RBFOX1: variants seen among roughly 807,000 people sequenced by gnomAD.
RBFOX1 encodes the protein RNA binding protein fox-1 homolog 1.
Under a neutral mutation model 57.7 loss-of-function variants are expected in RBFOX1, and 8 were observed. The ratio of observed to expected loss-of-function variants is 0.14; its 90% CI spans 0.08 to 0.25. The LOEUF (loss-of-function observed/expected upper bound fraction) is 0.25. RBFOX1 is among the 10% of genes least tolerant of loss of function. The pLI is 1.00. For missense variants in RBFOX1, 611 were observed against 548.5 expected (o/e 1.11, Z -1.14); for synonymous variants, 326 against 222.4 (o/e 1.47, Z -4.15).
chr16:7,578,628 T>C (rs1357990122), intron 5 of RBFOX1, among the ~76,000 whole-genome samples: 1 of 152,230 alleles, frequency 6.6e-6, no homozygotes, highest in Admixed American at 6.5e-5. Context: ...GTCCCAATTA[T>C]GTACTTCTAG....
chr16:7,555,758 T>C (rs2088197998), intron 5 of RBFOX1, among the ~76,000 whole-genome samples: 1 of 152,176 alleles, frequency 6.6e-6, no homozygotes, highest in Admixed American at 6.5e-5. Flanking sequence ...CACTCTTCTT[T>C]GTCAAATTGT....
intron 3 of RBFOX1, among the ~76,000 whole-genome samples, chr16:6,967,534 A>G (rs1003078985): frequency 1.3e-5 from 2 of 152,130 alleles, no homozygotes; most frequent in Non-Finnish European, 2.9e-5. Context: ...CATTTGCTGA[A>G]TAGACTGACT....
chr16:7,195,326 C>T (rs1272761275), intron 4 of RBFOX1, among the ~76,000 whole-genome samples: 1 of 152,110 alleles, frequency 6.6e-6, no homozygotes, highest in African/African-American at 2.4e-5. Flanking sequence ...GTCTTGGTTG[C>T]AGTGTCTTTT....
At chr16:5,665,585 C>T (rs867319471) in intron 3 of RBFOX1, among the ~76,000 whole-genome samples, 1 of 152,200 alleles carries the variant, frequency 6.6e-6, no homozygotes, top group African/African-American at 2.4e-5. Context: ...ACCTTTGGGT[C>T]ACCAGTCACC....
intron 4 of RBFOX1, among the ~76,000 whole-genome samples, chr16:7,229,727 A>G (rs2093372418): frequency 5.4e-5 from 6 of 111,476 alleles, no homozygotes; most frequent in East Asian, 3.2e-4. Flanking sequence ...AGAGGAAGCA[A>G]GGGAGGGAGG....
intron 1 of RBFOX1, among the ~76,000 whole-genome samples, chr16:5,456,062 A>G (rs2068621317): frequency 6.6e-6 from 1 of 152,144 alleles, no homozygotes; most frequent in African/African-American, 2.4e-5. Flanking sequence ...TAAAATACAC[A>G]AGAAGAAATA....
Position 5,946,575 on chromosome 16 carries a change from C to G in RBFOX1, c.351+79240C>G, listed in dbSNP as rs1231888272. On this transcript the variant is annotated intron_variant, in intron 4 of 19. Transcript: ENST00000641259. This position sits in a 1 kb window ranked among gnomAD's most constrained non-coding sequence, Gnocchi z 4.6. ...CATATTTTTTTCCAACTGGGTGTTC[C>G]TGAGTTATATCCTTTACGATATACC... Among the ~76,000 whole-genome samples the G allele has an allele frequency of 6.6e-6, 1 of 152,182 alleles. No homozygotes were observed. Among genetic ancestry groups the G allele is most frequent in the African/African-American group, 2.4e-5 (1 of 41,440 alleles).
In RBFOX1 at chr16:6,577,918, C is replaced by G. The variant is rs373859536; in HGVS notation, c.-63-76685C>G. On this transcript the variant is annotated intron_variant, in intron 2 of 15. Coordinates refer to ENST00000550418, the MANE Select transcript of RBFOX1 (RefSeq NM_018723.4). ...AATCATTTTTTACTGCAATGTCATA[C>G]AAATGAGAAGGCTGGGATTCAGAGA... 4.6e-5 allele frequency among the ~76,000 whole-genome samples: 7 copies of G among 152,300 alleles called. No homozygotes were observed. The South Asian group carries it at 6.2e-4, about 14-fold the overall frequency.
intron 4 of RBFOX1, among the ~76,000 whole-genome samples, chr16:7,260,996 C>G (rs1603454658): frequency 1.3e-5 from 2 of 152,278 alleles, no homozygotes; most frequent in East Asian, 1.9e-4. Flanking sequence ...ATTTGAGTCA[C>G]TTCAGGGGAT....
intron 2 of RBFOX1, among the ~76,000 whole-genome samples, chr16:5,537,164 C>G (rs1003738273): frequency 6.6e-6 from 1 of 152,148 alleles, no homozygotes; most frequent in Non-Finnish European, 1.5e-5. Context: ...AATCTTACTT[C>G]CTTCTGAGCC....
At chr16:7,312,210 T>A (rs2096329763) in intron 4 of RBFOX1, among the ~76,000 whole-genome samples, 1 of 152,154 alleles carries the variant, frequency 6.6e-6, no homozygotes, top group Non-Finnish European at 1.5e-5. Flanking sequence ...TGAAACCCTG[T>A]CTCTACTAAA....
At chr16:5,839,255 G>A (rs996529180) in intron 3 of RBFOX1, among the ~76,000 whole-genome samples, 6 of 152,170 alleles carry the variant, frequency 3.9e-5, no homozygotes, top group African/African-American at 7.2e-5. Context: ...CAATACTTAT[G>A]AGGGAAGAAA....
At chr16:7,088,602 T>A (rs1030917358) in intron 4 of RBFOX1, among the ~76,000 whole-genome samples, 20 of 152,146 alleles carry the variant, frequency 1.3e-4, no homozygotes, top group Non-Finnish European at 2.8e-4. Context: ...CCCGTAGTTA[T>A]GAATTACAAT....
At chr16:7,354,646 G>A (rs1211674855) in intron 4 of RBFOX1, among the ~76,000 whole-genome samples, 1 of 152,196 alleles carries the variant, frequency 6.6e-6, no homozygotes. Flanking sequence ...CTGTGTTTAT[G>A]AGGAAAGAAT....
At chr16:5,368,683 C>G (rs1023902365) in intron 1 of RBFOX1, among the ~76,000 whole-genome samples, 2 of 152,164 alleles carry the variant, frequency 1.3e-5, no homozygotes, top group Non-Finnish European at 2.9e-5. Flanking sequence ...AAAAAAAATT[C>G]TGGCCTTTCA....
intron 3 of RBFOX1, among the ~76,000 whole-genome samples, chr16:6,835,951 A>C (rs1402147189): frequency 1.3e-5 from 2 of 152,014 alleles, no homozygotes; most frequent in African/African-American, 2.4e-5. Context: ...CAGCACCTCC[A>C]TTCCCATTCC....
chr16:7,213,986 C>T (rs1289611393), intron 4 of RBFOX1, among the ~76,000 whole-genome samples: 1 of 152,088 alleles, frequency 6.6e-6, no homozygotes, highest in Non-Finnish European at 1.5e-5. Flanking sequence ...AATTAATTTC[C>T]ACTGTCCTGA....
chr16:7,373,018 G>A (rs929044396), intron 4 of RBFOX1, among the ~76,000 whole-genome samples: 4 of 151,246 alleles, frequency 2.6e-5, no homozygotes, highest in South Asian at 2.1e-4. Flanking sequence ...TGCAAGCTCC[G>A]TCTCCCAGGC....
chr16:5,299,420 A>C (rs1394044418), intron 1 of RBFOX1, among the ~76,000 whole-genome samples: 2 of 152,222 alleles, frequency 1.3e-5, no homozygotes, highest in Non-Finnish European at 2.9e-5. Context: ...ACTTTGTGTG[A>C]ACATATTCTC....
Sources: allele counts gnomAD v4.1 joint callset (sites outside exome capture counted in the v4.1 genomes callset), GRCh38; gene constraint gnomAD v4.1.1; non-coding constraint Gnocchi (gnomAD v3.1); transcripts MANE v1.5; gene names NCBI Gene and HGNC (gene_info 2026-07-23, HGNC 2026-07-21).